USP42: variants seen among roughly 807,000 people sequenced by gnomAD.
USP42 encodes the protein ubiquitin specific peptidase 42.
In USP42, 23 loss-of-function variants were observed where a neutral mutation model predicts 113.0. The ratio of observed to expected loss-of-function variants is 0.20; its 90% CI spans 0.15 to 0.29. USP42 has a LOEUF of 0.29. Ranked by LOEUF, USP42 falls within the 10% of genes least tolerant of loss-of-function variation. The probability of loss-of-function intolerance (pLI) is 1.00; values close to 1 mark genes in which losing one functional copy is unlikely to be tolerated. For missense variants in USP42, 2,174 were observed against 1,779.8 expected (o/e 1.22, Z -3.99); for synonymous variants, 933 against 699.0 (o/e 1.33, Z -5.28).
intron 14 of USP42, 136 bp downstream of exon 14, chr7:6,150,642 G>T (rs1175964166): frequency 1.2e-6 from 1 of 836,952 alleles, no homozygotes. Context: ...GAATTATAAT[G>T]TATAGGATTT....
At chr7:6,109,967 C>T (rs193018025) in intron 1 of USP42, among the ~76,000 whole-genome samples, 2 of 151,968 alleles carry the variant, frequency 1.3e-5, no homozygotes, top group Non-Finnish European at 2.9e-5. Flanking sequence ...TCCCAAAATG[C>T]TGGGATTACA....
chr7:6,083,577 T>C, the USP42 span, among the ~76,000 whole-genome samples: 47 of 150,586 alleles, frequency 3.1e-4, 2 homozygotes, highest in African/African-American at 1.1e-3. Flanking sequence ...TATATGTATG[T>C]ATACATATAT....
rs1046431372 is a variant in USP42, at chr7:6,122,043, C to A, written c.442+6520C>A. ...GAACGAGCTCTTGGTTTCATTGTTA[C>A]AGTTTTCTGTTTCATTACAGTTTTG... On this transcript the variant is annotated intron_variant, in intron 3 of 17. Coordinates refer to ENST00000306177, the MANE Select transcript of USP42 (RefSeq NM_032172.3). Among the ~76,000 whole-genome samples, 4 of 152,032 alleles carry A rather than the reference C, an allele frequency of 2.6e-5. No homozygotes were observed. The East Asian group carries it at 7.7e-4, about 29-fold the overall frequency.
intron 4 of USP42, among the ~76,000 whole-genome samples, chr7:6,138,839 C>T (rs1387596701): frequency 6.6e-6 from 1 of 152,080 alleles, no homozygotes; most frequent in Non-Finnish European, 1.5e-5. Context: ...CATCCCAACC[C>T]CCTCTTCTGG....
At chr7:6,100,050 A>T (rs1790073050), upstream of USP42, among the ~76,000 whole-genome samples, 1 of 137,850 alleles carries the variant, frequency 7.3e-6, no homozygotes, top group Non-Finnish European at 1.6e-5. Context: ...ACTGGGGCTC[A>T]CTATGTTGCC....
In USP42 at chr7:6,159,333, G is replaced by A; in HGVS notation, c.3944-117G>A. On this transcript the variant is annotated intron_variant, in intron 16 of 17. Transcript: ENST00000306177. The surrounding 1 kb of genome is among the most constrained non-coding windows in gnomAD (Gnocchi z 4.1). ...TCACCTCACTGGGGAGTGGCCTCAG[G>A]CGCTCACAGGGAACCGCAGTGACTC... 2 of 1,374,716 alleles carry A rather than the reference G, an allele frequency of 1.5e-6. No individual in the cohort carries two copies. The highest frequency in any genetic ancestry group is 2.0e-6 in the Non-Finnish European group (2 of 981,564). The allele number at this position is 1,374,716 out of a possible 1,614,324, so 85.2% of individuals were successfully genotyped here. A position where few individuals can be genotyped will look rare whatever the true frequency, so the allele number is the denominator to read the frequency against.
intron 6 of USP42, 71 bp from the exon 7 acceptor site, chr7:6,140,843 G>C (rs1583649526): frequency 2.4e-6 from 2 of 850,976 alleles, no homozygotes; most frequent in East Asian, 2.6e-5. Context: ...ATTGTATTTT[G>C]TCATTTCAGT....
At chr7:6,137,209 G>C (rs1464676679) in intron 4 of USP42, among the ~76,000 whole-genome samples, 1 of 152,138 alleles carries the variant, frequency 6.6e-6, no homozygotes, top group Non-Finnish European at 1.5e-5. Flanking sequence ...TTTTTGCCTA[G>C]AAAGCCACTG....
At chr7:6,095,933 A>G in the USP42 span, among the ~76,000 whole-genome samples, 5 of 148,776 alleles carry the variant, frequency 3.4e-5, no homozygotes, top group East Asian at 2.0e-4. Context: ...TTTTTTTTTT[A>G]ATTTATTTTT....
chr7:6,130,191 T>C (rs1780775494), intron 3 of USP42, among the ~76,000 whole-genome samples: 1 of 152,222 alleles, frequency 6.6e-6, no homozygotes, highest in Admixed American at 6.5e-5. Context: ...CTGAGTCTTA[T>C]CTAACCTTTG....
At position 6,143,473 on chromosome 7, in the gene USP42, T is replaced by G. The variant is rs571434225; in HGVS notation, c.878+459T>G. ...ATAGCATTTGCTGAAAAACTCTAAT[T>G]TTGATCATTCATTAATATGTTTCCA... On this transcript the variant is annotated intron_variant, in intron 8 of 17. Transcript: ENST00000306177. 4.6e-5 allele frequency among the ~76,000 whole-genome samples: 7 copies of G among 152,342 alleles called. No homozygotes were observed. In the South Asian group the frequency reaches 1.4e-3, roughly 32 times the overall value.
In USP42 at chr7:6,140,846, A is replaced by G. The variant is rs928902623; in HGVS notation, c.725-68A>G. 46 of 868,994 alleles carry G rather than the reference A, an allele frequency of 5.3e-5. No homozygotes were observed. The African/African-American group carries it at 6.1e-4, about 12-fold the overall frequency. 53.8% of individuals were successfully genotyped at this position (868,994 alleles called of 1,614,324 possible). ...TTAAATTTCAAAATTGTATTTTGTCATTTCAGTAGTTGATGTTGCTGTAAT... is the reference window on the plus strand; with the variant it reads ...TTAAATTTCAAAATTGTATTTTGTCGTTTCAGTAGTTGATGTTGCTGTAAT... On this transcript the variant is annotated intron_variant, in intron 6 of 17. Coordinates refer to ENST00000306177, the MANE Select transcript of USP42 (RefSeq NM_032172.3).
In USP42 at chr7:6,155,214, G is replaced by A; in HGVS notation, c.3641+19G>A. On this transcript the variant is annotated intron_variant, in intron 15 of 17. Transcript: ENST00000306177. ...ACTCCAGGTGAGCCTGGGGCCTTGT[G>A]CTCCCCGAGGCGCTGGCGCTGCTGT... 1 of 1,506,812 alleles carries A rather than the reference G, an allele frequency of 6.6e-7. No homozygotes were observed. Among genetic ancestry groups the A allele is most frequent in the South Asian group, 1.2e-5 (1 of 80,274 alleles). 93.3% of individuals were successfully genotyped at this position (1,506,812 alleles called of 1,614,324 possible).
intron 1 of USP42, among the ~76,000 whole-genome samples, chr7:6,106,906 C>T (rs983743419): frequency 6.6e-6 from 1 of 152,186 alleles, no homozygotes. Context: ...TTTTATATAT[C>T]ATCAGAAGCT....
In USP42 at chr7:6,158,892, G is replaced by GTTGAACGTGATC. The variant is rs1275645839; in HGVS notation, c.3944-554_3944-543dup. Among the ~76,000 whole-genome samples, 18 of 152,088 alleles carry GTTGAACGTGATC rather than the reference G, an allele frequency of 1.2e-4. No individual in the cohort carries two copies. Among genetic ancestry groups the GTTGAACGTGATC allele is most frequent in the Admixed American group, 6.5e-4 (10 of 15,280 alleles). On this transcript the variant is annotated intron_variant, in intron 16 of 17. Coordinates refer to ENST00000306177, the MANE Select transcript of USP42 (RefSeq NM_032172.3). This position sits in a 1 kb window ranked among gnomAD's most constrained non-coding sequence, Gnocchi z 4.2. ...AGGCAGCTGGTCCAGCGGGAGGGAG[G>GTTGAACGTGATC]TTGAACGTGATCTTGTTTGCCTCGT...
chr7:6,103,220 G>C (rs1790184677), upstream of USP42, among the ~76,000 whole-genome samples: 1 of 150,972 alleles, frequency 6.6e-6, no homozygotes, highest in Non-Finnish European at 1.5e-5. Flanking sequence ...AACTGGTCCA[G>C]TTGTCTCCTA....
At position 6,139,039 on chromosome 7, in the gene USP42, C is replaced by G. The variant is rs144915005; in HGVS notation, c.554-53C>G. On this transcript the variant is annotated intron_variant, in intron 4 of 17. Transcript: ENST00000306177. The surrounding 1 kb of genome is among the most constrained non-coding windows in gnomAD (Gnocchi z 4.5). Reference sequence around the variant, plus strand: ...ATAAGATATATTTTGGGGGGTACAACTTAGGCTTATTACGTGTAATGATAA... The same window carrying G: ...ATAAGATATATTTTGGGGGGTACAAGTTAGGCTTATTACGTGTAATGATAA... The G allele has an allele frequency of 8.8e-6, 11 of 1,249,430 alleles. No homozygotes were observed. The highest frequency in any genetic ancestry group is 6.0e-5 in the African/African-American group (4 of 66,576). The allele number at this position is 1,249,430 out of a possible 1,614,324, so 77.4% of individuals were successfully genotyped here.
At chr7:6,130,412 C>T (rs1349885933) in intron 3 of USP42, among the ~76,000 whole-genome samples, 1 of 152,210 alleles carries the variant, frequency 6.6e-6, no homozygotes, top group African/African-American at 2.4e-5. Flanking sequence ...GTGATGGTGA[C>T]AGTCCTGCCT....
rs759456118 is a variant in USP42 at position 6,147,814 on chromosome 7, C to T, written c.1308C>T (p.Val436=). Reference sequence around the variant, plus strand: ...CCGGCCAGTCCTCTCCCCGCCCCGTCATCAGTCAGCGGGTTGTCACCAACA... The same window carrying T: ...CCGGCCAGTCCTCTCCCCGCCCCGTTATCAGTCAGCGGGTTGTCACCAACA... The part of the protein sequence containing the change: ...HSPGQSSPRP[V]ISQRVVTNKQ... Residue 436 remains valine, a synonymous_variant, in exon 12 of 18, where the codon GTC becomes GTT. Transcript: ENST00000306177. 5.0e-6 allele frequency: 8 copies of T among 1,613,562 alleles called. No homozygotes were observed. Among genetic ancestry groups the T allele is most frequent in the South Asian group, 2.2e-5 (2 of 91,006 alleles).
Sources: gnomAD v4.1 joint callset for allele counts (sites outside exome capture counted in the v4.1 genomes callset) on GRCh38, gnomAD v4.1.1 for gene constraint, Gnocchi (gnomAD v3.1) non-coding constraint, MANE v1.5 for transcripts, NCBI Gene and HGNC (gene_info 2026-07-23, HGNC 2026-07-21) for gene names.